The following LRP1B variants were observed in gnomAD, a reference collection of about 807,000 sequenced individuals.
The protein encoded by LRP1B is low-density lipoprotein receptor-related protein 1B.
A neutral mutation model predicts 556.6 loss-of-function variants in LRP1B; 217 were observed. The ratio of observed to expected loss-of-function variants is 0.39; its 90% CI spans 0.35 to 0.44. LRP1B has a LOEUF of 0.44. Ranked by LOEUF, LRP1B falls within the 20% of genes least tolerant of loss-of-function variation. The pLI is 1.00. For missense variants in LRP1B, 5,053 were observed against 5,620.8 expected (o/e 0.90, Z 3.23); for synonymous variants, 2,047 against 1,865.8 (o/e 1.10, Z -2.50).
rs569629342 is a variant in LRP1B at position 142,035,193 on chromosome 2, T to C, written c.82+95455A>G. Among the ~76,000 whole-genome samples, 4 of 151,862 alleles carry C rather than the reference T, an allele frequency of 2.6e-5. No homozygotes were observed. In the East Asian group the frequency reaches 7.8e-4, roughly 30 times the overall value. ...CAATACATATTAGTCGCAAAGATGC[T>C]GATGCTGAGTTGAAAACAGCTTCTC... On this transcript the variant is annotated intron_variant, in intron 1 of 90. Transcript: ENST00000389484.
chr2:142,030,786 C>A (rs1703665082), intron 1 of LRP1B, among the ~76,000 whole-genome samples: 1 of 151,784 alleles, frequency 6.6e-6, no homozygotes, highest in Non-Finnish European at 1.5e-5. Flanking sequence ...ATGCCAAGGG[C>A]AGCCCTTGGT....
At chr2:141,989,474 T>G (rs1275768972) in intron 1 of LRP1B, among the ~76,000 whole-genome samples, 2 of 152,080 alleles carry the variant, frequency 1.3e-5, no homozygotes, top group African/African-American at 4.8e-5. Flanking sequence ...AATATTACAT[T>G]TTTATATATA....
intron 6 of LRP1B, among the ~76,000 whole-genome samples, chr2:141,207,274 C>G (rs113765942): frequency 6.6e-6 from 1 of 152,192 alleles, no homozygotes; most frequent in Admixed American, 6.5e-5. Context: ...ATTATTCTCT[C>G]AGACACTATG....
chr2:140,343,138 G>A (rs142820186), intron 77 of LRP1B, among the ~76,000 whole-genome samples: 5 of 151,532 alleles, frequency 3.3e-5, no homozygotes, highest in South Asian at 4.2e-4. Flanking sequence ...AAGACCCTTG[G>A]AAGAAGCAGA....
Position 141,646,935 on chromosome 2 carries a change from G to A in LRP1B, c.205+163344C>T, listed in dbSNP as rs572665940. On this transcript the variant is annotated intron_variant, in intron 2 of 90. Transcript: ENST00000389484. ...AGCTTTGCCAGGATGGTAGCAGTGG[G>A]TATAGAGAGAAGAGCAATGAGGATT... Among the ~76,000 whole-genome samples the A allele has an allele frequency of 2.0e-5, 3 of 152,268 alleles. No individual in the cohort carries two copies. The South Asian group carries it at 6.2e-4, about 32-fold the overall frequency.
intron 7 of LRP1B, among the ~76,000 whole-genome samples, chr2:141,092,081 A>G (rs1370711068): frequency 6.6e-6 from 1 of 152,252 alleles, no homozygotes; most frequent in African/African-American, 2.4e-5. Context: ...AACCAGAAAT[A>G]TGCTATGCTA....
intron 3 of LRP1B, among the ~76,000 whole-genome samples, chr2:141,356,995 T>A (rs1024316492): frequency 9.2e-5 from 14 of 152,252 alleles, no homozygotes; most frequent in African/African-American, 3.4e-4. Context: ...CAACAAATAG[T>A]CATGATGGAA....
intron 25 of LRP1B, among the ~76,000 whole-genome samples, chr2:140,877,026 T>C (rs567890366): frequency 6.6e-6 from 1 of 152,284 alleles, no homozygotes; most frequent in East Asian, 1.9e-4. Context: ...TTTTCTTGGT[T>C]ACAAGTGGGC....
intron 2 of LRP1B, among the ~76,000 whole-genome samples, chr2:141,577,822 T>C (rs907536024): frequency 1.3e-5 from 2 of 152,222 alleles, no homozygotes; most frequent in African/African-American, 4.8e-5. Flanking sequence ...CACAAGTTGT[T>C]TCTTAGTCAG....
At chr2:141,024,966 T>A (rs1698176941) in intron 11 of LRP1B, among the ~76,000 whole-genome samples, 1 of 152,040 alleles carries the variant, frequency 6.6e-6, no homozygotes, top group Non-Finnish European at 1.5e-5. Flanking sequence ...CTCTCAATAC[T>A]CTTTGCTATA....
intron 1 of LRP1B, among the ~76,000 whole-genome samples, chr2:142,048,615 T>C (rs1704337937): frequency 6.6e-6 from 1 of 152,122 alleles, no homozygotes; most frequent in African/African-American, 2.4e-5. Context: ...TTACACTTGC[T>C]ACTAGTCTAA....
At chr2:141,207,376 A>G (rs1356071814) in intron 6 of LRP1B, among the ~76,000 whole-genome samples, 1 of 152,204 alleles carries the variant, frequency 6.6e-6, no homozygotes, top group African/African-American at 2.4e-5. Context: ...ATATTTTCAA[A>G]CAATATAAAA....
intron 43 of LRP1B, among the ~76,000 whole-genome samples, chr2:140,567,774 T>A (rs1485086760): frequency 1.3e-5 from 2 of 152,108 alleles, no homozygotes; most frequent in Non-Finnish European, 1.5e-5. Flanking sequence ...TCAAAACCCA[T>A]TGCCACCAAA....
chr2:141,296,941 G>A (rs77868049), intron 3 of LRP1B, among the ~76,000 whole-genome samples: 2,623 of 152,172 alleles, frequency 0.017, 66 homozygotes, highest in African/African-American at 0.059. Context: ...CCCACTTATA[G>A]GTGAGAACAT....
At chr2:140,672,959 T>C (rs1685540465) in intron 41 of LRP1B, among the ~76,000 whole-genome samples, 1 of 152,226 alleles carries the variant, frequency 6.6e-6, no homozygotes. Context: ...TGAACACTTT[T>C]AGCTCTTCTT....
At chr2:140,429,503 A>G (rs1003361509) in intron 66 of LRP1B, among the ~76,000 whole-genome samples, 44 of 152,268 alleles carry the variant, frequency 2.9e-4, no homozygotes, top group African/African-American at 6.7e-4. Context: ...TACTGCCACA[A>G]GGCTTCACAG....
At chr2:141,558,512 A>T (rs1291250306) in intron 2 of LRP1B, among the ~76,000 whole-genome samples, 1 of 151,770 alleles carries the variant, frequency 6.6e-6, no homozygotes, top group African/African-American at 2.4e-5. Context: ...AACAACAATA[A>T]CAAATTCATA....
At chr2:140,859,269 G>A (rs1326336617) in intron 27 of LRP1B, among the ~76,000 whole-genome samples, 1 of 152,008 alleles carries the variant, frequency 6.6e-6, no homozygotes, top group Non-Finnish European at 1.5e-5. Context: ...CATGTGAAAA[G>A]TATTCCCCAT....
chr2:140,698,561 T>C (rs992263324), intron 41 of LRP1B, among the ~76,000 whole-genome samples: 1 of 152,088 alleles, frequency 6.6e-6, no homozygotes, highest in South Asian at 2.1e-4. Context: ...TTCTCCTATC[T>C]GCCTCTTTAT....
Sources: allele counts gnomAD v4.1 joint callset (sites outside exome capture counted in the v4.1 genomes callset), GRCh38; gene constraint gnomAD v4.1.1; transcripts MANE v1.5; gene names NCBI Gene and HGNC (gene_info 2026-07-23, HGNC 2026-07-21).